PPP2R2B: variants seen among roughly 807,000 people sequenced by gnomAD.
The protein encoded by PPP2R2B is protein phosphatase 2 regulatory subunit Bbeta.
PPP2R2B carries 5 observed loss-of-function variants against 46.0 expected under a neutral mutation model. The observed-to-expected ratio is 0.11, with a 90% confidence interval of 0.06 to 0.23. PPP2R2B has a LOEUF of 0.23. PPP2R2B is among the 10% of genes least tolerant of loss of function. The pLI, the probability that PPP2R2B is intolerant of heterozygous loss-of-function variation, is 1.00. For synonymous variants in PPP2R2B, 215 were observed against 206.7 expected (o/e 1.04, Z -0.34); for missense variants, 367 against 575.0 (o/e 0.64, Z 3.70).
At chr5:146,865,460 T>C (rs945580532) in intron 2 of PPP2R2B, among the ~76,000 whole-genome samples, 5 of 152,226 alleles carry the variant, frequency 3.3e-5, no homozygotes, top group African/African-American at 1.2e-4. Context: ...ACATGTACTT[T>C]ATTCTCTTAA....
At chr5:147,057,501 C>A (rs1445723865), upstream of PPP2R2B, among the ~76,000 whole-genome samples, 1 of 152,160 alleles carries the variant, frequency 6.6e-6, no homozygotes, top group African/African-American at 2.4e-5. Flanking sequence ...CAGTTTGTAT[C>A]CCAGTGCATT....
intron 2 of PPP2R2B, among the ~76,000 whole-genome samples, chr5:146,777,669 A>C (rs1294342558): frequency 6.6e-6 from 1 of 152,196 alleles, no homozygotes; most frequent in African/African-American, 2.4e-5. Flanking sequence ...AGTCTATTAT[A>C]AACATCATTG....
At chr5:147,016,677 T>C in intron 1 of PPP2R2B, among the ~76,000 whole-genome samples, 1 of 151,392 alleles carries the variant, frequency 6.6e-6, no homozygotes, top group East Asian at 2.1e-4. Context: ...GTTGGGAAAA[T>C]ATTTTCTAGA....
chr5:146,997,281 T>A (rs988622463), intron 1 of PPP2R2B, among the ~76,000 whole-genome samples: 6 of 152,118 alleles, frequency 3.9e-5, no homozygotes, highest in Non-Finnish European at 7.4e-5. Flanking sequence ...CCCTTCTGAT[T>A]CTCAAATCCT....
intron 1 of PPP2R2B, among the ~76,000 whole-genome samples, chr5:146,907,492 G>C (rs1338087509): frequency 6.6e-6 from 1 of 152,066 alleles, no homozygotes; most frequent in Non-Finnish European, 1.5e-5. Context: ...CTTACAGAAG[G>C]GCAAAGTCTA....
intron 2 of PPP2R2B, among the ~76,000 whole-genome samples, chr5:146,798,001 T>C (rs1460569313): frequency 1.3e-5 from 2 of 152,106 alleles, no homozygotes; most frequent in Admixed American, 1.3e-4. Context: ...ACCGTCAATC[T>C]CCTTTCAGAG....
chr5:146,608,248 A>T (rs1195142408), intron 7 of PPP2R2B, among the ~76,000 whole-genome samples: 3 of 152,166 alleles, frequency 2.0e-5, no homozygotes, highest in Admixed American at 2.0e-4. Flanking sequence ...CCATGAGATC[A>T]TGTAGAAGGG....
At chr5:146,946,394 C>G (rs1582476108) in intron 1 of PPP2R2B, among the ~76,000 whole-genome samples, 1 of 152,240 alleles carries the variant, frequency 6.6e-6, no homozygotes, top group East Asian at 1.9e-4. Flanking sequence ...ATTGCTCCTC[C>G]TTCCAAGTTC....
rs549455472 is a variant in PPP2R2B at position 146,595,409 on chromosome 5, T to C, written c.961-2347A>G. 1.4e-4 allele frequency among the ~76,000 whole-genome samples: 21 copies of C among 152,366 alleles called. No individual in the cohort carries two copies. In the South Asian group the frequency reaches 4.1e-3, roughly 30 times the overall value. ...CTGTCACCATTCACCTTCGGCATTT[T>C]GTCTTATTACTCACCTGCAGTGTTT... On this transcript the variant is annotated intron_variant, in intron 8 of 9. Coordinates refer to ENST00000394411, the MANE Select transcript of PPP2R2B (RefSeq NM_181675.4).
intron 5 of PPP2R2B, among the ~76,000 whole-genome samples, chr5:146,662,214 T>C (rs1776717929): frequency 6.6e-6 from 1 of 152,150 alleles, no homozygotes; most frequent in Non-Finnish European, 1.5e-5. Flanking sequence ...ATCTTACAGC[T>C]GGAAGTTACC....
intron 7 of PPP2R2B, among the ~76,000 whole-genome samples, chr5:146,626,354 G>A (rs1165044428): frequency 2.0e-5 from 3 of 152,176 alleles, no homozygotes; most frequent in African/African-American, 7.2e-5. Context: ...ATACTTATAT[G>A]AATGTTAAAA....
chr5:147,070,887 A>G (rs1428428856), intron 2 of PPP2R2B, among the ~76,000 whole-genome samples: 1 of 152,110 alleles, frequency 6.6e-6, no homozygotes, highest in Non-Finnish European at 1.5e-5. Flanking sequence ...CTCCTTGCCA[A>G]TGGATGGTTT....
intron 2 of PPP2R2B, among the ~76,000 whole-genome samples, chr5:146,713,774 T>A (rs1459560183): frequency 6.6e-6 from 1 of 152,210 alleles, no homozygotes; most frequent in African/African-American, 2.4e-5. Flanking sequence ...TCTCAGCAAC[T>A]GGCATGTTAG....
At chr5:146,816,981 A>G (rs1757966301) in intron 2 of PPP2R2B, among the ~76,000 whole-genome samples, 1 of 152,222 alleles carries the variant, frequency 6.6e-6, no homozygotes, top group South Asian at 2.1e-4. Flanking sequence ...TGGCAGCTGC[A>G]TGACTTTTTG....
intron 9 of PPP2R2B, chr5:146,592,104 G>A (rs974723405): frequency 4.5e-6 from 2 of 441,702 alleles, no homozygotes; most frequent in African/African-American, 2.0e-5. Flanking sequence ...GGTGGATTTT[G>A]TTCTTATGTC....
intron 2 of PPP2R2B, among the ~76,000 whole-genome samples, chr5:146,730,752 T>C (rs1486921645): frequency 6.6e-6 from 1 of 152,190 alleles, no homozygotes; most frequent in Non-Finnish European, 1.5e-5. Flanking sequence ...TCCCCAGACA[T>C]GTGGAACTGT....
At chr5:146,814,545 G>A (rs1412575970) in intron 2 of PPP2R2B, among the ~76,000 whole-genome samples, 1 of 152,212 alleles carries the variant, frequency 6.6e-6, no homozygotes, top group Non-Finnish European at 1.5e-5. Flanking sequence ...ATCTGAAACT[G>A]GTGATCAGCA....
intron 2 of PPP2R2B, among the ~76,000 whole-genome samples, chr5:146,729,962 C>T (rs1390998312): frequency 1.3e-5 from 2 of 152,166 alleles, no homozygotes; most frequent in African/African-American, 4.8e-5. Flanking sequence ...AAAAGAGGGC[C>T]ACCATCCTCT....
At chr5:147,052,428 TAACAA>T (rs1321046795) in intron 1 of PPP2R2B, among the ~76,000 whole-genome samples, 6 of 152,168 alleles carry the variant, frequency 3.9e-5, no homozygotes, top group African/African-American at 1.2e-4. Context: ...AGACAGAGAC[TAACAA>T]AACAGTCACA....
Sources: allele counts gnomAD v4.1 joint callset (sites outside exome capture counted in the v4.1 genomes callset), GRCh38; gene constraint gnomAD v4.1.1; transcripts MANE v1.5; gene names NCBI Gene and HGNC (gene_info 2026-07-23, HGNC 2026-07-21).